POU2F1: variants seen among roughly 807,000 people sequenced by gnomAD.
POU2F1 encodes the protein POU class 2 homeobox 1.
Under a neutral mutation model 84.9 loss-of-function variants are expected in POU2F1, and 16 were observed. That is an observed-to-expected ratio of 0.19 (90% CI 0.13 to 0.29). The LOEUF (loss-of-function observed/expected upper bound fraction) is 0.29, where lower values mean the gene tolerates loss of function less well. POU2F1 is among the 10% of genes least tolerant of loss of function. The pLI is 1.00. For synonymous variants in POU2F1, 368 were observed against 368.3 expected (o/e 1.00, Z 0.01); for missense variants, 738 against 942.6 (o/e 0.78, Z 2.84).
At chr1:167,277,882 T>A (rs1242367715) in intron 1 of POU2F1, among the ~76,000 whole-genome samples, 1 of 152,170 alleles carries the variant, frequency 6.6e-6, no homozygotes, top group African/African-American at 2.4e-5. Context: ...CTATTTGACA[T>A]CCTTTAATAA....
At chr1:167,401,427 C>T (rs1366224888) in intron 12 of POU2F1, 24 bp from the exon 13 acceptor site, 1 of 1,524,550 alleles carries the variant, frequency 6.6e-7, no homozygotes, top group Non-Finnish European at 9.0e-7. Context: ...GTGCTTTGTC[C>T]ATGTTTTCAT....
At chr1:167,280,842 G>C (rs187749930) in intron 1 of POU2F1, among the ~76,000 whole-genome samples, 1 of 152,128 alleles carries the variant, frequency 6.6e-6, no homozygotes. Context: ...CATGCCAAAG[G>C]CGTTTATTAA....
At chr1:167,413,162 A>AGTGTGT (rs59744507) in intron 15 of POU2F1, 48 bp downstream of exon 15, 235 of 1,031,172 alleles carry the variant, frequency 2.3e-4, no homozygotes, top group South Asian at 5.8e-4. Flanking sequence ...CGTGTGTGTG[A>AGTGTGT]GTGTGTGTGT....
intron 1 of POU2F1, among the ~76,000 whole-genome samples, chr1:167,221,940 G>A (rs1156804482): frequency 2.0e-5 from 3 of 152,098 alleles, no homozygotes; most frequent in Non-Finnish European, 4.4e-5. Context: ...TGCGTTGTCG[G>A]CCGGGGCTTC....
intron 1 of POU2F1, among the ~76,000 whole-genome samples, chr1:167,271,512 G>T (rs527977279): frequency 2.9e-4 from 44 of 152,300 alleles, no homozygotes; most frequent in Admixed American, 5.2e-4. Context: ...AGCATGAAAA[G>T]ATTTGGAGCT....
chr1:167,296,790 A>C (rs1654312042), intron 1 of POU2F1, among the ~76,000 whole-genome samples: 1 of 152,226 alleles, frequency 6.6e-6, no homozygotes, highest in African/African-American at 2.4e-5. Context: ...TCATATCTGT[A>C]ACTATCCAGC....
chr1:167,405,499 A>G (rs1455132614), intron 13 of POU2F1, among the ~76,000 whole-genome samples: 4 of 151,686 alleles, frequency 2.6e-5, no homozygotes, highest in Non-Finnish European at 4.4e-5. Context: ...GCAACATAGT[A>G]AGACCTTGTC....
intron 9 of POU2F1, among the ~76,000 whole-genome samples, chr1:167,392,954 G>C (rs1442351414): frequency 6.6e-6 from 1 of 152,142 alleles, no homozygotes; most frequent in East Asian, 1.9e-4. Context: ...TCTATTCTCT[G>C]TGTAAATATA....
At chr1:167,333,206 A>T (rs540263416) in intron 2 of POU2F1, among the ~76,000 whole-genome samples, 1 of 152,110 alleles carries the variant, frequency 6.6e-6, no homozygotes, top group African/African-American at 2.4e-5. Context: ...CCCATGAGAG[A>T]AAGGTAAATC....
chr1:167,226,013 A>T (rs1366223095), intron 1 of POU2F1, among the ~76,000 whole-genome samples: 1 of 152,224 alleles, frequency 6.6e-6, no homozygotes, highest in African/African-American at 2.4e-5. Context: ...TGTTTTTCCT[A>T]ATGAAAGTGA....
At chr1:167,356,487 T>G (rs1658944163) in intron 2 of POU2F1, among the ~76,000 whole-genome samples, 1 of 152,138 alleles carries the variant, frequency 6.6e-6, no homozygotes, top group Non-Finnish European at 1.5e-5. Flanking sequence ...CCTTGGAGTA[T>G]GATAGAAGTA....
chr1:167,322,727 C>G lies in POU2F1; in HGVS notation c.62-9743C>G, dbSNP rs574097896. On this transcript the variant is annotated intron_variant, in intron 1 of 15. Coordinates refer to ENST00000367866, the MANE Select transcript of POU2F1 (RefSeq NM_002697.4). ...GGCTGACAGCCTTCAGAGCTGAGAGCCACAAACAAAGCTTTACCCACATAT... is the reference window on the plus strand; with the variant it reads ...GGCTGACAGCCTTCAGAGCTGAGAGGCACAAACAAAGCTTTACCCACATAT... Among the ~76,000 whole-genome samples the G allele has an allele frequency of 7.9e-5, 12 of 152,258 alleles. No homozygotes were observed. In the South Asian group the frequency reaches 2.5e-3, roughly 32 times the overall value.
intron 3 of POU2F1, among the ~76,000 whole-genome samples, chr1:167,367,658 C>T (rs999219575): frequency 6.6e-6 from 1 of 152,104 alleles, no homozygotes; most frequent in African/African-American, 2.4e-5. Context: ...CATCTGAAAG[C>T]CCTTCACCTA....
intron 1 of POU2F1, among the ~76,000 whole-genome samples, chr1:167,224,915 G>A (rs1227151701): frequency 6.9e-6 from 1 of 145,730 alleles, no homozygotes; most frequent in Non-Finnish European, 1.5e-5. Context: ...TGCAACCTCT[G>A]CCTCGTGGGT....
intron 1 of POU2F1, among the ~76,000 whole-genome samples, chr1:167,302,803 T>G: frequency 6.6e-6 from 1 of 152,304 alleles, no homozygotes; most frequent in East Asian, 1.9e-4. Flanking sequence ...CAAAAATAGC[T>G]ATAATAGTAC....
chr1:167,334,466 C>A (rs962588184), intron 2 of POU2F1, among the ~76,000 whole-genome samples: 2 of 152,172 alleles, frequency 1.3e-5, no homozygotes, highest in Admixed American at 1.3e-4. Flanking sequence ...AATTGAGGCA[C>A]AAAACCAGCC....
chr1:167,391,445 G>A (rs1429357021), intron 9 of POU2F1, among the ~76,000 whole-genome samples: 4 of 150,738 alleles, frequency 2.7e-5, no homozygotes, highest in African/African-American at 9.7e-5. Flanking sequence ...ATTATTTTGT[G>A]TTGAAAGTAC....
intron 1 of POU2F1, among the ~76,000 whole-genome samples, chr1:167,241,056 C>A (rs2102371540): frequency 6.6e-6 from 1 of 152,214 alleles, no homozygotes; most frequent in South Asian, 2.1e-4. Flanking sequence ...GCGGGAGAAT[C>A]ACTTGAACCC....
chr1:167,265,219 T>G (rs1651855500), intron 1 of POU2F1, among the ~76,000 whole-genome samples: 1 of 152,076 alleles, frequency 6.6e-6, no homozygotes, highest in Admixed American at 6.5e-5. Flanking sequence ...AGAGAACAGT[T>G]TAAAGGGTCT....
Sources: allele counts gnomAD v4.1 joint callset (sites outside exome capture counted in the v4.1 genomes callset), GRCh38; gene constraint gnomAD v4.1.1; transcripts MANE v1.5; gene names NCBI Gene and HGNC (gene_info 2026-07-23, HGNC 2026-07-21).